The following PPP2R2C variants were observed in gnomAD, a reference collection of about 807,000 sequenced individuals.
PPP2R2C encodes the protein protein phosphatase 2 regulatory subunit Bgamma.
Under a neutral mutation model 45.3 loss-of-function variants are expected in PPP2R2C, and 10 were observed. The observed-to-expected ratio is 0.22, with a 90% CI of 0.14 to 0.37. The LOEUF (loss-of-function observed/expected upper bound fraction) is 0.37, where lower values mean the gene tolerates loss of function less well. Ranked by LOEUF, PPP2R2C falls within the 10% of genes least tolerant of loss-of-function variation. The pLI is 1.00. For synonymous variants in PPP2R2C, 257 were observed against 245.4 expected (o/e 1.05, Z -0.44); for missense variants, 308 against 619.7 (o/e 0.50, Z 5.34).
At chr4:6,453,675 C>G (rs957667559) in intron 1 of PPP2R2C, among the ~76,000 whole-genome samples, 1 of 152,226 alleles carries the variant, frequency 6.6e-6, no homozygotes, top group Non-Finnish European at 1.5e-5. Flanking sequence ...GCTGAACAAA[C>G]AAGATGATGG....
intron 5 of PPP2R2C, among the ~76,000 whole-genome samples, chr4:6,367,054 G>C (rs908055022): frequency 5.9e-5 from 9 of 151,738 alleles, no homozygotes; most frequent in Non-Finnish European, 1.0e-4. Context: ...GAGGGTGAGA[G>C]AGAGGGAGGA....
chr4:6,506,866 G>C (rs983446250), intron 2 of PPP2R2C, among the ~76,000 whole-genome samples: 4 of 152,140 alleles, frequency 2.6e-5, no homozygotes, highest in African/African-American at 9.7e-5. Flanking sequence ...AGTTCACTTG[G>C]GGCTGTCAAC....
intron 1 of PPP2R2C, among the ~76,000 whole-genome samples, chr4:6,435,687 G>A (rs530484949): frequency 1.3e-5 from 2 of 152,310 alleles, no homozygotes; most frequent in South Asian, 2.1e-4. Context: ...ACAGGCTTGT[G>A]AGTGAGAGTC....
chr4:6,346,195 C>A (rs575236180), intron 6 of PPP2R2C, among the ~76,000 whole-genome samples: 45 of 152,332 alleles, frequency 3.0e-4, no homozygotes, highest in African/African-American at 1.0e-3. Context: ...CGCCTGCTCC[C>A]CCGGGGACCC....
Position 6,364,752 on chromosome 4 carries a change from C to T in PPP2R2C, c.625+7771G>A, listed in dbSNP as rs540343985. Among the ~76,000 whole-genome samples, 6 of 152,224 alleles carry T rather than the reference C, an allele frequency of 3.9e-5. No homozygotes were observed. In the South Asian group the frequency reaches 1.0e-3, roughly 26 times the overall value. On this transcript the variant is annotated intron_variant, in intron 5 of 8. Transcript: ENST00000382599. This position sits in a 1 kb window ranked among gnomAD's most constrained non-coding sequence, Gnocchi z 5.3. ...CTATGTCTTGGGGCCAAGGTCTGAG[C>T]CCTGGCAGTCTGGCTCCTAGACCTA...
intron 6 of PPP2R2C, among the ~76,000 whole-genome samples, chr4:6,338,548 G>A (rs979273351): frequency 2.6e-5 from 4 of 152,126 alleles, no homozygotes; most frequent in Admixed American, 6.5e-5. Context: ...ACACAGAGCC[G>A]ACGGCACCTC....
intron 1 of PPP2R2C, chr4:6,420,982 G>C: frequency 4.1e-6 from 4 of 985,234 alleles, no homozygotes; most frequent in Non-Finnish European, 4.8e-6. Context: ...CAAGAGCTTG[G>C]GCAGCTGGTT....
chr4:6,377,942 G>A (rs1038007638), intron 3 of PPP2R2C, among the ~76,000 whole-genome samples: 6 of 152,190 alleles, frequency 3.9e-5, no homozygotes, highest in African/African-American at 1.2e-4. Context: ...CCACTGCCCC[G>A]CAAGGCCGCG....
At chr4:6,415,682 C>T (rs924029083) in intron 1 of PPP2R2C, among the ~76,000 whole-genome samples, 1 of 152,196 alleles carries the variant, frequency 6.6e-6, no homozygotes, top group Admixed American at 6.5e-5. Flanking sequence ...AACCCTGAAT[C>T]CTGCAGAAGC....
intron 2 of PPP2R2C, among the ~76,000 whole-genome samples, chr4:6,509,078 C>T (rs1247436315): frequency 6.6e-6 from 1 of 152,220 alleles, no homozygotes; most frequent in Admixed American, 6.5e-5. Flanking sequence ...GCTGCAGACC[C>T]ACACGGATTT....
At chr4:6,452,583 T>C (rs1214904501) in intron 1 of PPP2R2C, among the ~76,000 whole-genome samples, 1 of 152,238 alleles carries the variant, frequency 6.6e-6, no homozygotes, top group Non-Finnish European at 1.5e-5. Context: ...AAGGACACAG[T>C]AGCCCTAACC....
rs552976703 is a variant in PPP2R2C, at chr4:6,368,562, C to T, written c.625+3961G>A. Among the ~76,000 whole-genome samples the T allele has an allele frequency of 1.4e-4, 22 of 152,296 alleles. No individual in the cohort carries two copies. The highest frequency in any genetic ancestry group is 4.6e-4 in the African/African-American group (19 of 41,558). On this transcript the variant is annotated intron_variant, in intron 5 of 8. Transcript: ENST00000382599. The surrounding 1 kb of genome is among the most constrained non-coding windows in gnomAD (Gnocchi z 4.2). Reference sequence around the variant, plus strand: ...GGACAGGAGGCAAGGCTCACGGTAACGGCCAGGGAGGACTTTGCAGTCCTG... The same window carrying T: ...GGACAGGAGGCAAGGCTCACGGTAATGGCCAGGGAGGACTTTGCAGTCCTG...
chr4:6,560,121 G>A (rs1434004767), intron 1 of PPP2R2C, among the ~76,000 whole-genome samples: 6 of 152,334 alleles, frequency 3.9e-5, no homozygotes, highest in South Asian at 4.1e-4. Flanking sequence ...CTATGCAGGC[G>A]TTAGCCAGGC....
At chr4:6,438,614 T>C (rs1344194386) in intron 1 of PPP2R2C, among the ~76,000 whole-genome samples, 1 of 152,248 alleles carries the variant, frequency 6.6e-6, no homozygotes, top group Admixed American at 6.5e-5. Context: ...CAGATTTTTC[T>C]AAAACTTAAT....
At chr4:6,347,631 T>C (rs1712114094) in intron 6 of PPP2R2C, among the ~76,000 whole-genome samples, 1 of 152,108 alleles carries the variant, frequency 6.6e-6, no homozygotes, top group African/African-American at 2.4e-5. Context: ...GCTGGGCTGT[T>C]CCTGGCTGTG....
At chr4:6,461,819 G>A (rs749090763) in intron 1 of PPP2R2C, among the ~76,000 whole-genome samples, 2 of 152,208 alleles carry the variant, frequency 1.3e-5, no homozygotes, top group Non-Finnish European at 2.9e-5. Context: ...CCAGCTGAGG[G>A]GTGTCTCCCC....
intron 6 of PPP2R2C, among the ~76,000 whole-genome samples, chr4:6,346,744 T>C (rs920000581): frequency 1.3e-5 from 2 of 152,166 alleles, no homozygotes; most frequent in Non-Finnish European, 2.9e-5. Context: ...GGGGCTGGTG[T>C]GCACCCTGTC....
At chr4:6,452,936 T>C (rs557631863) in intron 1 of PPP2R2C, among the ~76,000 whole-genome samples, 9 of 152,298 alleles carry the variant, frequency 5.9e-5, no homozygotes, top group Non-Finnish European at 1.0e-4. Flanking sequence ...CCACCATGCC[T>C]GACTCCAGCT....
At chr4:6,474,850 C>A (rs1474923049), upstream of PPP2R2C, among the ~76,000 whole-genome samples, 1 of 151,864 alleles carries the variant, frequency 6.6e-6, no homozygotes, top group Admixed American at 6.6e-5. Context: ...GCCCACCCCC[C>A]ACCTCCACTA....
Sources: allele counts gnomAD v4.1 joint callset (sites outside exome capture counted in the v4.1 genomes callset), GRCh38; gene constraint gnomAD v4.1.1; non-coding constraint Gnocchi (gnomAD v3.1); transcripts MANE v1.5; gene names NCBI Gene and HGNC (gene_info 2026-07-23, HGNC 2026-07-21).